The following PEBP4 variants were observed in gnomAD, a reference collection of about 807,000 sequenced individuals.
PEBP4 encodes phosphatidylethanolamine binding protein 4.
In PEBP4, 22 loss-of-function variants were observed where a neutral mutation model predicts 23.9. That is an observed-to-expected ratio of 0.92 (90% CI 0.66 to 1.31). The LOEUF is 1.31. Among genes scored for constraint, PEBP4 ranks in the 40% most tolerant of loss-of-function variants. PEBP4 has a pLI of 0.00. For synonymous variants in PEBP4, 112 were observed against 99.3 expected (o/e 1.13, Z -0.76); for missense variants, 324 against 281.7 (o/e 1.15, Z -1.07).
chr8:22,824,281 C>G (rs1806922674), intron 3 of PEBP4, among the ~76,000 whole-genome samples: 1 of 152,102 alleles, frequency 6.6e-6, no homozygotes, highest in Admixed American at 6.5e-5. Flanking sequence ...AAAAAAAAGT[C>G]ATGGTGAGAA....
chr8:22,727,155 G>T lies in PEBP4; in HGVS notation c.403+20C>A, dbSNP rs192709448. 3 of 1,613,446 alleles carry T rather than the reference G, an allele frequency of 1.9e-6. No homozygotes were observed. Among genetic ancestry groups the T allele is most frequent in the Admixed American group, 1.7e-5 (1 of 59,980 alleles). On this transcript the variant is annotated intron_variant, in intron 5 of 6. Transcript: ENST00000256404. Reference sequence around the variant, plus strand: ...ACTGATGCCCTGGCTGGGGGAAGGGGTCCCTAGGGTCTTACTCACCTGATA... The same window carrying T: ...ACTGATGCCCTGGCTGGGGGAAGGGTTCCCTAGGGTCTTACTCACCTGATA...
chr8:22,872,906 A>T (rs1808036802), intron 3 of PEBP4, among the ~76,000 whole-genome samples: 2 of 151,992 alleles, frequency 1.3e-5, no homozygotes, highest in Non-Finnish European at 2.9e-5. Flanking sequence ...CGAACTCCTG[A>T]TGTCAGGTGA....
At chr8:22,853,940 C>T (rs1038766836) in intron 3 of PEBP4, among the ~76,000 whole-genome samples, 5 of 152,146 alleles carry the variant, frequency 3.3e-5, no homozygotes, top group Admixed American at 1.3e-4. Context: ...GCCACAGATC[C>T]TAGTTAGCAA....
intron 3 of PEBP4, among the ~76,000 whole-genome samples, chr8:22,888,417 G>A (rs959288607): frequency 1.3e-5 from 2 of 152,176 alleles, no homozygotes; most frequent in African/African-American, 2.4e-5. Context: ...GCCTCCCAAA[G>A]TGTTGGGATT....
Position 22,713,315 on chromosome 8 carries a change from C to A in PEBP4, c.*55G>T. The A allele has an allele frequency of 6.6e-7, 1 of 1,517,754 alleles. No homozygotes were observed. The highest frequency in any genetic ancestry group is 1.3e-5 in the South Asian group (1 of 75,802). 94.0% of individuals were successfully genotyped at this position (1,517,754 alleles called of 1,614,324 possible). Reference sequence around the variant, plus strand: ...CTGTATCCAGAGGGGGTTCCATACCCACATCGTCGGTGGTGGGCAGTGTGG... The same window carrying A: ...CTGTATCCAGAGGGGGTTCCATACCAACATCGTCGGTGGTGGGCAGTGTGG... On this transcript the variant is annotated 3_prime_UTR_variant, in exon 7 of 7. Coordinates refer to ENST00000256404, the MANE Select transcript of PEBP4 (RefSeq NM_144962.3).
chr8:22,774,713 G>A (rs1043632323), intron 4 of PEBP4, among the ~76,000 whole-genome samples: 16 of 152,156 alleles, frequency 1.1e-4, no homozygotes, highest in African/African-American at 1.9e-4. Flanking sequence ...ACAGGGAGCC[G>A]CTCTGGCCCA....
upstream of PEBP4, chr8:22,927,984 G>A (rs1055981611): frequency 4.7e-6 from 2 of 429,726 alleles, no homozygotes; most frequent in African/African-American, 4.1e-5. Context: ...ACACAGCTTT[G>A]TTGTCACTCT....
In PEBP4 at chr8:22,821,964, G is replaced by A. The variant is rs1025157836; in HGVS notation, c.259-4229C>T. Among the ~76,000 whole-genome samples, 10 of 127,910 alleles carry A rather than the reference G, an allele frequency of 7.8e-5. No homozygotes were observed. The South Asian group carries it at 1.1e-3, about 14-fold the overall frequency. The allele number at this position is 127,910 out of a possible 152,430, so 83.9% of individuals were successfully genotyped here. On this transcript the variant is annotated intron_variant, in intron 3 of 6. Transcript: ENST00000256404. ...CGCGCCATTGCACTCCAGCCTGGGCGACAGAGCAAGACCTCGTCTCAAAAA... is the reference window on the plus strand; with the variant it reads ...CGCGCCATTGCACTCCAGCCTGGGCAACAGAGCAAGACCTCGTCTCAAAAA...
At chr8:22,752,024 G>A (rs920375592) in intron 4 of PEBP4, among the ~76,000 whole-genome samples, 39 of 152,204 alleles carry the variant, frequency 2.6e-4, no homozygotes, top group African/African-American at 8.4e-4. Context: ...AGCCTCCCGA[G>A]TAGCTAGGAC....
intron 3 of PEBP4, among the ~76,000 whole-genome samples, chr8:22,827,518 T>G (rs1450558151): frequency 6.6e-6 from 1 of 152,216 alleles, no homozygotes; most frequent in Non-Finnish European, 1.5e-5. Flanking sequence ...TGTTGGCATC[T>G]TTTACTCAGC....
intron 1 of PEBP4, among the ~76,000 whole-genome samples, chr8:22,938,053 G>A (rs1809564078): frequency 6.6e-6 from 1 of 152,106 alleles, no homozygotes; most frequent in Non-Finnish European, 1.5e-5. Context: ...ACCAAAAGCG[G>A]AGGCAGCAAA....
intron 3 of PEBP4, among the ~76,000 whole-genome samples, chr8:22,820,232 T>C (rs1371083002): frequency 6.6e-6 from 1 of 152,156 alleles, no homozygotes; most frequent in Non-Finnish European, 1.5e-5. Flanking sequence ...GAAAAAGGTG[T>C]GAGATAGTCA....
intron 5 of PEBP4, among the ~76,000 whole-genome samples, chr8:22,726,009 G>GTGTGTA (rs1804617339): frequency 6.7e-6 from 1 of 149,974 alleles, no homozygotes; most frequent in Non-Finnish European, 1.5e-5. Context: ...ATGTGTGTGT[G>GTGTGTA]TGTGTGTGTG....
At position 22,921,613 on chromosome 8, in the gene PEBP4, C is replaced by A. The variant is rs192559438; in HGVS notation, c.132-1303G>T. 2.0e-5 allele frequency among the ~76,000 whole-genome samples: 3 copies of A among 152,334 alleles called. No homozygotes were observed. The East Asian group carries it at 5.8e-4, about 29-fold the overall frequency. ...CTGGCAGCCCCGGACCAGGACACTT[C>A]GGTGGGCCAGCGCCCCCAGTGCCAG... On this transcript the variant is annotated intron_variant, in intron 2 of 6. Coordinates refer to ENST00000256404, the MANE Select transcript of PEBP4 (RefSeq NM_144962.3).
chr8:22,810,669 GGTGTGTGTGTGTGTGTGTGT>G (rs60078589), intron 4 of PEBP4, among the ~76,000 whole-genome samples: 5 of 129,200 alleles, frequency 3.9e-5, no homozygotes, highest in Middle Eastern at 3.7e-3. Flanking sequence ...CTCATGGAGG[GGTGTGTGTGTGTGTGTGTGT>G]GTGTGTGTGT....
intron 4 of PEBP4, chr8:22,744,794 G>C (rs1585249117): frequency 6.6e-6 from 1 of 152,300 alleles, no homozygotes; most frequent in African/African-American, 2.4e-5. Context: ...AGCAGTCCTG[G>C]ACCCGTATCC....
chr8:22,737,167 G>A (rs373136689), intron 4 of PEBP4, among the ~76,000 whole-genome samples: 11 of 151,934 alleles, frequency 7.2e-5, no homozygotes, highest in East Asian at 1.9e-4. Flanking sequence ...GGTGGCAGGC[G>A]CCTGTAGTCC....
intron 4 of PEBP4, chr8:22,755,881 T>C (rs926640908): frequency 2.0e-5 from 3 of 152,128 alleles, no homozygotes; most frequent in Admixed American, 6.5e-5. Context: ...TTAGAGTCCC[T>C]CTCTCTGAAC....
At chr8:22,794,834 CTTCTGA>C (rs1563218423) in intron 4 of PEBP4, among the ~76,000 whole-genome samples, 1 of 152,084 alleles carries the variant, frequency 6.6e-6, no homozygotes, top group African/African-American at 2.4e-5. Context: ...AGCCTGTTCT[CTTCTGA>C]TTCTATTATG....
Sources: gnomAD v4.1 joint callset for allele counts (sites outside exome capture counted in the v4.1 genomes callset) on GRCh38, gnomAD v4.1.1 for gene constraint, MANE v1.5 for transcripts, NCBI Gene and HGNC (gene_info 2026-07-23, HGNC 2026-07-21) for gene names.